The following SLCO3A1 variants were observed in gnomAD, a reference collection of about 807,000 sequenced individuals.
SLCO3A1 encodes solute carrier organic anion transporter family member 3A1.
Under a neutral mutation model 63.1 loss-of-function variants are expected in SLCO3A1, and 27 were observed. The ratio of observed to expected loss-of-function variants is 0.43; its 90% CI spans 0.32 to 0.59. The LOEUF is 0.59. SLCO3A1 is among the 20% of genes least tolerant of loss of function. The pLI is 0.09. For synonymous variants in SLCO3A1, 473 were observed against 409.9 expected, an observed-to-expected ratio of 1.15 and a Z score of -1.86; for missense variants, 773 against 945.8, an observed-to-expected ratio of 0.82 and a Z score of 2.40.
intron 2 of SLCO3A1, among the ~76,000 whole-genome samples, chr15:92,048,974 C>G (rs1334389112): frequency 6.6e-6 from 1 of 152,194 alleles, no homozygotes; most frequent in African/African-American, 2.4e-5. Context: ...AAATGATTGG[C>G]TTTAGCCCCA....
chr15:92,101,795 C>T (rs1157164484), intron 3 of SLCO3A1, among the ~76,000 whole-genome samples: 1 of 152,180 alleles, frequency 6.6e-6, no homozygotes, highest in African/African-American at 2.4e-5. Context: ...CACGCAGGCC[C>T]CGTCTCCTGT....
chr15:92,047,722 C>G (rs894352298), intron 2 of SLCO3A1, among the ~76,000 whole-genome samples: 2 of 142,642 alleles, frequency 1.4e-5, no homozygotes, highest in African/African-American at 5.2e-5. Context: ...TCATTCAAAA[C>G]CTATGTGATT....
chr15:92,022,739 G>A lies in SLCO3A1; in HGVS notation c.647-72142G>A, dbSNP rs192508832. ...TAGTTGAGAAAGGTTTACAGAATGGGAGAGACTAACTGCATGGTTGGTTAG... is the reference window on the plus strand; with the variant it reads ...TAGTTGAGAAAGGTTTACAGAATGGAAGAGACTAACTGCATGGTTGGTTAG... On this transcript the variant is annotated intron_variant, in intron 2 of 9. Transcript: ENST00000318445. 4.0e-3 allele frequency among the ~76,000 whole-genome samples: 602 copies of A among 152,328 alleles called. 5 individuals carry two copies. The highest frequency in any genetic ancestry group is 6.9e-3 in the Non-Finnish European group (468 of 68,036).
intron 3 of SLCO3A1, among the ~76,000 whole-genome samples, chr15:92,097,447 T>C (rs1411902103): frequency 2.0e-5 from 3 of 152,234 alleles, no homozygotes; most frequent in Non-Finnish European, 4.4e-5. Context: ...CTCCATTTGC[T>C]GAGACTGTTC....
intron 2 of SLCO3A1, among the ~76,000 whole-genome samples, chr15:92,028,908 A>AGTGTGTGTGT (rs61238614): frequency 0.013 from 1,526 of 120,118 alleles, 51 homozygotes; most frequent in East Asian, 0.027. Flanking sequence ...TGCAGGCACA[A>AGTGTGTGTGT]GTGTGTGTGT....
chr15:92,077,229 T>A (rs771424501), intron 2 of SLCO3A1, among the ~76,000 whole-genome samples: 1 of 151,988 alleles, frequency 6.6e-6, no homozygotes, highest in Non-Finnish European at 1.5e-5. Context: ...CAAGATGAGA[T>A]TTGGGTGGGG....
At chr15:92,025,594 T>C (rs963326598) in intron 2 of SLCO3A1, among the ~76,000 whole-genome samples, 1 of 152,208 alleles carries the variant, frequency 6.6e-6, no homozygotes, top group Admixed American at 6.5e-5. Context: ...TTGTGACAAC[T>C]CTACAAGGCA....
Position 91,988,525 on chromosome 15 carries a change from G to A in SLCO3A1, c.646+72067G>A, listed in dbSNP as rs1447133871. ...GATTACATGGGATGGTTCAGCATGA[G>A]ACACGATAAAAAGGAAACGTGCAGA... On this transcript the variant is annotated intron_variant, in intron 2 of 9. Transcript: ENST00000318445. Among the ~76,000 whole-genome samples, 8 of 145,038 alleles carry A rather than the reference G, an allele frequency of 5.5e-5. No individual in the cohort carries two copies. The East Asian group carries it at 1.7e-3, about 31-fold the overall frequency.
chr15:92,087,971 C>T (rs1406859332), intron 2 of SLCO3A1, among the ~76,000 whole-genome samples: 1 of 152,164 alleles, frequency 6.6e-6, no homozygotes, highest in Admixed American at 6.5e-5. Context: ...GTCCCATGGT[C>T]GGATTGCATC....
intron 1 of SLCO3A1, among the ~76,000 whole-genome samples, chr15:91,873,627 T>C (rs1342994167): frequency 6.6e-6 from 1 of 151,882 alleles, no homozygotes; most frequent in Non-Finnish European, 1.5e-5. Context: ...ATGATGACAC[T>C]TCACACCTAA....
intron 2 of SLCO3A1, among the ~76,000 whole-genome samples, chr15:91,992,561 A>T (rs959536031): frequency 6.6e-6 from 1 of 152,188 alleles, no homozygotes; most frequent in African/African-American, 2.4e-5. Flanking sequence ...CCGTAGTAAG[A>T]TGTCAACCAT....
intron 8 of SLCO3A1, among the ~76,000 whole-genome samples, chr15:92,150,708 GC>G (rs2048293636): frequency 1.3e-5 from 2 of 151,710 alleles, no homozygotes; most frequent in South Asian, 4.2e-4. Context: ...GACAAGGTTA[GC>G]TCCAGTTATT....
In SLCO3A1 at chr15:92,131,749, T is replaced by C. The variant is rs1156539140; in HGVS notation, c.1512+3260T>C. On this transcript the variant is annotated intron_variant, in intron 7 of 9. Coordinates refer to ENST00000318445, the MANE Select transcript of SLCO3A1 (RefSeq NM_013272.4). ...GCCTTTGCACGTGTTGTTTCTCTTA[T>C]CTGCAGCAGTCTCTCCCTTCTAAGC... Among the ~76,000 whole-genome samples the C allele has an allele frequency of 3.4e-5, 5 of 145,702 alleles. 2 individuals carry two copies. Among genetic ancestry groups the C allele is most frequent in the Admixed American group, 2.7e-4 (4 of 14,662 alleles).
chr15:91,948,461 C>T lies in SLCO3A1; in HGVS notation c.646+32003C>T, dbSNP rs1374501279. On this transcript the variant is annotated intron_variant, in intron 2 of 9. Transcript: ENST00000318445. The surrounding 1 kb of genome is among the most constrained non-coding windows in gnomAD (Gnocchi z 4.8). The stretch of plus-strand genomic sequence containing the variant: ...AGTGCCGGCATGCACACAGCACCAC[C>T]TGGGTGGAAAGCAGCAGTCATTGGT... Among the ~76,000 whole-genome samples the T allele has an allele frequency of 6.6e-6, 1 of 152,170 alleles. No individual in the cohort carries two copies. Among genetic ancestry groups the T allele is most frequent in the Non-Finnish European group, 1.5e-5 (1 of 68,028 alleles).
chr15:91,879,299 T>C (rs1201382274), intron 1 of SLCO3A1, among the ~76,000 whole-genome samples: 1 of 116,386 alleles, frequency 8.6e-6, no homozygotes, highest in African/African-American at 3.1e-5. Context: ...ACTTATTTTT[T>C]CTGCCTTTTT....
chr15:92,020,702 T>C (rs1052207777), intron 2 of SLCO3A1, among the ~76,000 whole-genome samples: 4 of 152,182 alleles, frequency 2.6e-5, no homozygotes, highest in Admixed American at 2.0e-4. Context: ...GTCAGGCCAG[T>C]GCCATGAGGC....
At chr15:92,171,897 G>T (rs2048523648) in exon 11 of SLCO3A1, 1 of 1,485,740 alleles carries the variant, frequency 6.7e-7, no homozygotes, top group Admixed American at 2.0e-5. Context: ...GGAGAGAACA[G>T]CCCACCACCA....
chr15:91,889,637 G>A (rs777178234), intron 1 of SLCO3A1, among the ~76,000 whole-genome samples: 4 of 152,224 alleles, frequency 2.6e-5, no homozygotes, highest in East Asian at 1.9e-4. Flanking sequence ...GGTGGATCTG[G>A]TCTTGCTCTC....
intron 2 of SLCO3A1, among the ~76,000 whole-genome samples, chr15:92,032,228 G>T (rs1479845639): frequency 1.3e-5 from 2 of 152,190 alleles, no homozygotes; most frequent in African/African-American, 4.8e-5. Context: ...AGCCCAGAGG[G>T]TCACACCATG....
Sources: gnomAD v4.1 joint callset for allele counts (sites outside exome capture counted in the v4.1 genomes callset) on GRCh38, gnomAD v4.1.1 for gene constraint, Gnocchi (gnomAD v3.1) non-coding constraint, MANE v1.5 for transcripts, NCBI Gene and HGNC (gene_info 2026-07-23, HGNC 2026-07-21) for gene names.